Variants in TTC29 observed in about 807,000 individuals in gnomAD.
TTC29 encodes the protein tetratricopeptide repeat domain 29, also known as tetratricopeptide repeat protein 29.
Under a neutral mutation model 58.1 loss-of-function variants are expected in TTC29, and 49 were observed. The ratio of observed to expected loss-of-function variants is 0.84; its 90% CI spans 0.67 to 1.07. The LOEUF (loss-of-function observed/expected upper bound fraction) is 1.07. Among genes scored for constraint, TTC29 ranks in the 50% least tolerant of loss-of-function variants. TTC29 has a pLI of 0.00. For synonymous variants in TTC29, 209 were observed against 196.8 expected, an observed-to-expected ratio of 1.06 and a Z score of -0.52; for missense variants, 582 against 555.6, an observed-to-expected ratio of 1.05 and a Z score of -0.48.
At chr4:146,806,473 T>G (rs528465381) in intron 10 of TTC29, among the ~76,000 whole-genome samples, 1 of 152,292 alleles carries the variant, frequency 6.6e-6, no homozygotes, top group South Asian at 2.1e-4. Context: ...TCGGTGTGCT[T>G]TATTCAGGAG....
chr4:146,817,959 A>C (rs1209012934), intron 10 of TTC29, among the ~76,000 whole-genome samples: 3 of 152,206 alleles, frequency 2.0e-5, no homozygotes, highest in Admixed American at 1.3e-4. Flanking sequence ...CTTAAACGTT[A>C]GACCTAAAAC....
At chr4:146,942,819 G>T in intron 2 of TTC29, 2 of 478,332 alleles carry the variant, frequency 4.2e-6, no homozygotes, top group Non-Finnish European at 7.4e-6. Flanking sequence ...GGGCACTGGG[G>T]CCAGGGTAAT....
intron 5 of TTC29, among the ~76,000 whole-genome samples, chr4:146,907,664 AT>A (rs565545545): frequency 6.6e-6 from 1 of 151,922 alleles, no homozygotes; most frequent in Non-Finnish European, 1.5e-5. Flanking sequence ...TGCCCGGCTA[AT>A]TTTTTTGTAT....
chr4:146,790,680 C>A (rs1749382742), intron 11 of TTC29, among the ~76,000 whole-genome samples: 1 of 152,142 alleles, frequency 6.6e-6, no homozygotes, highest in Non-Finnish European at 1.5e-5. Context: ...ATACTCACCT[C>A]CAGCTTCAGG....
intron 4 of TTC29, among the ~76,000 whole-genome samples, chr4:146,932,642 T>G (rs537168039): frequency 1.6e-4 from 25 of 152,268 alleles, no homozygotes; most frequent in African/African-American, 6.0e-4. Flanking sequence ...TGGACAAAAA[T>G]TTTGAGATTC....
intron 10 of TTC29, among the ~76,000 whole-genome samples, chr4:146,804,565 T>C (rs1239476987): frequency 1.3e-5 from 2 of 152,014 alleles, no homozygotes; most frequent in Admixed American, 6.5e-5. Flanking sequence ...GGGCCCACCA[T>C]TATGGAGGCT....
intron 8 of TTC29, among the ~76,000 whole-genome samples, chr4:146,840,222 C>T (rs1479798923): frequency 6.7e-6 from 1 of 148,632 alleles, no homozygotes; most frequent in East Asian, 2.0e-4. Flanking sequence ...AGCTCTGCAG[C>T]TTTTTCACAA....
intron 9 of TTC29, among the ~76,000 whole-genome samples, chr4:146,832,494 T>G (rs556876369): frequency 6.6e-6 from 1 of 152,268 alleles, no homozygotes; most frequent in East Asian, 1.9e-4. Context: ...TTTTCCTTAT[T>G]TTTTGAGACA....
rs1736873232 is a variant in TTC29, at chr4:146,945,692, C to G, written c.-54+17G>C. 6.6e-6 allele frequency: 1 copy of G among 152,442 alleles called. No homozygotes were observed. Among genetic ancestry groups the G allele is most frequent in the African/African-American group, 2.4e-5 (1 of 41,468 alleles). 9.4% of individuals were successfully genotyped at this position (152,442 alleles called of 1,614,324 possible). ...CTGAGGAAGTCCGGTCCCAACCTCG[C>G]CCCTGCCGTCACGAACCTCGGTGCA... On this transcript the variant is annotated intron_variant, in intron 1 of 12. Coordinates refer to ENST00000325106, the MANE Select transcript of TTC29 (RefSeq NM_031956.4).
At chr4:146,760,147 C>A (rs1746765834) in intron 11 of TTC29, among the ~76,000 whole-genome samples, 1 of 151,854 alleles carries the variant, frequency 6.6e-6, no homozygotes, top group Admixed American at 6.6e-5. Context: ...CCAACAATAA[C>A]CAAGAAGAGA....
At chr4:146,874,993 A>T in intron 6 of TTC29, 65 bp from the exon 7 acceptor site, 1 of 1,315,354 alleles carries the variant, frequency 7.6e-7, no homozygotes, top group Non-Finnish European at 1.1e-6. Context: ...GAAATTTTGC[A>T]TACGTTTTAG....
Position 146,939,816 on chromosome 4 carries a change from C to G in TTC29, c.80G>C (p.Arg27Thr), listed in dbSNP as rs1422609041. 3 of 1,611,926 alleles carry G rather than the reference C, an allele frequency of 1.9e-6. No individual in the cohort carries two copies. The highest frequency in any genetic ancestry group is 2.5e-6 in the Non-Finnish European group (3 of 1,179,240). The change falls in exon 3 of 13, where the codon AGA becomes ACA. Residue 27 changes from arginine to threonine, a missense_variant. Physicochemically the swap from Arg to Thr is moderately conservative, Grantham distance 71. Coordinates refer to ENST00000325106, the MANE Select transcript of TTC29 (RefSeq NM_031956.4). The part of the protein sequence containing the change: ...LARQKLPCSS[R>T]KIPRSQLIKE... ...CAGGGGCACGTACCTTGGAATTTTT[C>G]TGGAGGAGCAAGGCAGCTTCTGTCT...
intron 8 of TTC29, among the ~76,000 whole-genome samples, chr4:146,865,548 T>C (rs1730509886): frequency 6.6e-6 from 1 of 152,122 alleles, no homozygotes. Flanking sequence ...TGAAAAACTA[T>C]CAGGTACTAT....
intron 11 of TTC29, among the ~76,000 whole-genome samples, chr4:146,727,322 T>C (rs1189550705): frequency 2.0e-5 from 3 of 152,198 alleles, no homozygotes; most frequent in African/African-American, 7.2e-5. Context: ...GGTGCATTTC[T>C]TATAATGGAT....
chr4:146,752,848 T>C (rs1418186194), intron 11 of TTC29, among the ~76,000 whole-genome samples: 1 of 152,162 alleles, frequency 6.6e-6, no homozygotes, highest in Non-Finnish European at 1.5e-5. Flanking sequence ...TGGCTAGCCA[T>C]ACGTAGAAAG....
At chr4:146,743,537 A>T (rs753061988) in intron 11 of TTC29, among the ~76,000 whole-genome samples, 2 of 152,172 alleles carry the variant, frequency 1.3e-5, no homozygotes, top group African/African-American at 2.4e-5. Context: ...AAAGCATGGA[A>T]TGTAAGACAC....
chr4:146,781,101 A>G (rs1201734591), intron 11 of TTC29, among the ~76,000 whole-genome samples: 3 of 152,050 alleles, frequency 2.0e-5, no homozygotes, highest in Non-Finnish European at 4.4e-5. Flanking sequence ...GGCACCAGAC[A>G]TGCTTTGTTA....
rs1334021950 is a variant in TTC29 at position 146,930,118 on chromosome 4, T to TATAC, written c.176+7475_176+7476insGTAT. ...ATATATATATATATATATATATATA[T>TATAC]ACACACATATATATCTTGATAAGTT... On this transcript the variant is annotated intron_variant, in intron 4 of 12. Transcript: ENST00000325106. Among the ~76,000 whole-genome samples, 1,131 of 128,708 alleles carry TATAC rather than the reference T, an allele frequency of 8.8e-3. 20 individuals are homozygous for TATAC. Among genetic ancestry groups the TATAC allele is most frequent in the East Asian group, 0.032 (134 of 4,150 alleles). The allele number at this position is 128,708 out of a possible 152,430, so 84.4% of individuals were successfully genotyped here.
At chr4:146,726,326 G>A (rs775615838) in intron 11 of TTC29, among the ~76,000 whole-genome samples, 1 of 152,072 alleles carries the variant, frequency 6.6e-6, no homozygotes, top group African/African-American at 2.4e-5. Flanking sequence ...GGTGGTGCAC[G>A]CCTGTAATCC....
Sources: gnomAD v4.1 joint callset for allele counts (sites outside exome capture counted in the v4.1 genomes callset) on GRCh38, gnomAD v4.1.1 for gene constraint, MANE v1.5 for transcripts, NCBI Gene and HGNC (gene_info 2026-07-23, HGNC 2026-07-21) for gene names.